GDAP1: variants seen among roughly 807,000 people sequenced by gnomAD.
GDAP1 encodes the protein ganglioside induced differentiation associated protein 1.
Under a neutral mutation model 40.1 loss-of-function variants are expected in GDAP1, and 34 were observed. That is an observed-to-expected ratio of 0.85 (90% CI 0.64 to 1.13). The LOEUF (loss-of-function observed/expected upper bound fraction) is 1.13. Among genes scored for constraint, GDAP1 ranks in the 50% most tolerant of loss-of-function variants. The pLI is 0.00. For synonymous variants in GDAP1, 170 were observed against 157.4 expected (o/e 1.08, Z -0.60); for missense variants, 374 against 433.7 (o/e 0.86, Z 1.22).
intron 2 of GDAP1, among the ~76,000 whole-genome samples, chr8:74,435,476 C>T (rs1806077619): frequency 6.6e-6 from 1 of 152,178 alleles, no homozygotes; most frequent in African/African-American, 2.4e-5. Flanking sequence ...CTTCTTACTT[C>T]ATCCCATTCA....
chr8:74,409,831 G>A lies in GDAP1; in HGVS notation c.165+58510G>A, dbSNP rs182817100. ...TCTTCCTTACCCTTCCCTAGTTCCT[G>A]TTTTCCTGCATGTAGTTACATTTCC... On this transcript the variant is annotated intron_variant, in intron 2 of 2. Coordinates refer to the GDAP1 transcript ENST00000523640. 6.0e-5 allele frequency among the ~76,000 whole-genome samples: 9 copies of A among 150,034 alleles called. 2 individuals carry two copies. Among genetic ancestry groups the A allele is most frequent in the African/African-American group, 2.3e-4 (9 of 39,412 alleles).
chr8:74,372,454 C>T (rs146481176), intron 2 of GDAP1, among the ~76,000 whole-genome samples: 44,856 of 151,940 alleles, frequency 0.3, 6,863 homozygotes, highest in Non-Finnish European at 0.34. Context: ...TTTTAATGAT[C>T]GCCATTCTAA....
chr8:74,355,814 T>G (rs1333546727), intron 2 of GDAP1, among the ~76,000 whole-genome samples: 1 of 151,816 alleles, frequency 6.6e-6, no homozygotes. Context: ...CACGTTCATG[T>G]CTTATGTCTA....
intron 2 of GDAP1, among the ~76,000 whole-genome samples, chr8:74,477,431 C>A (rs1806644180): frequency 6.6e-6 from 1 of 151,246 alleles, no homozygotes; most frequent in African/African-American, 2.4e-5. Flanking sequence ...GCTAATATTC[C>A]TTCAATCTTT....
At chr8:74,371,916 C>A (rs922641375) in intron 2 of GDAP1, among the ~76,000 whole-genome samples, 3 of 148,128 alleles carry the variant, frequency 2.0e-5, no homozygotes, top group Non-Finnish European at 4.5e-5. Flanking sequence ...AATGCTACCC[C>A]TCCCCCCCCA....
chr8:74,396,690 G>T lies in GDAP1; in HGVS notation c.165+45369G>T, dbSNP rs182932699. ...TCCCTACAAAGGACATGAACTCATC[G>T]TTTTTTCTGGCTGCATAGTATTCCA... On this transcript the variant is annotated intron_variant, in intron 2 of 2. Coordinates refer to the GDAP1 transcript ENST00000523640. 6.5e-4 allele frequency among the ~76,000 whole-genome samples: 99 copies of T among 152,088 alleles called. 1 individual carries two copies. The highest frequency in any genetic ancestry group is 2.2e-3 in the African/African-American group (90 of 41,486).
rs547062043 is a variant in GDAP1 at position 74,364,951 on chromosome 8, A to G, written c.*584A>G. 8 of 454,122 alleles carry G rather than the reference A, an allele frequency of 1.8e-5. No homozygotes were observed. The highest frequency in any genetic ancestry group is 3.5e-5 in the Non-Finnish European group (8 of 226,790). The allele number at this position is 454,122 out of a possible 1,614,324, so 28.1% of individuals were successfully genotyped here. ...AGCATTTCTGTAAAAGTCTTAAGTG[A>G]TATTAAGATGATTCCTTACCATTTC... On this transcript the variant is annotated 3_prime_UTR_variant, in exon 6 of 6. Transcript: ENST00000220822.
intron 2 of GDAP1, among the ~76,000 whole-genome samples, chr8:74,425,631 C>A (rs1473594387): frequency 1.3e-5 from 2 of 152,102 alleles, no homozygotes; most frequent in Non-Finnish European, 2.9e-5. Flanking sequence ...TTCTTTGAAT[C>A]AGAAAAGAAA....
At chr8:74,408,702 A>C (rs148634074) in intron 2 of GDAP1, among the ~76,000 whole-genome samples, 1 of 150,184 alleles carries the variant, frequency 6.7e-6, no homozygotes, top group African/African-American at 2.5e-5. Context: ...GACCTAAGAC[A>C]TGGGTGAAAG....
chr8:74,367,154 G>C (rs531919183), downstream of GDAP1: 1 of 163,212 alleles, frequency 6.1e-6, no homozygotes, highest in Non-Finnish European at 1.3e-5. Flanking sequence ...CTCTGTTGCA[G>C]CCAGCCACCT....
rs558199301 is a variant in GDAP1, at chr8:74,400,040, G to T, written c.165+48719G>T. 2.0e-5 allele frequency among the ~76,000 whole-genome samples: 3 copies of T among 146,838 alleles called. No individual in the cohort carries two copies. In the South Asian group the frequency reaches 6.4e-4, roughly 31 times the overall value. On this transcript the variant is annotated intron_variant, in intron 2 of 2. Transcript: ENST00000523640. ...ATGTATATTCTGTTGATTTGGGGTGGAGAGTTCTGTAGATGTCTATTAGGT... is the reference window on the plus strand; with the variant it reads ...ATGTATATTCTGTTGATTTGGGGTGTAGAGTTCTGTAGATGTCTATTAGGT...
intron 2 of GDAP1, among the ~76,000 whole-genome samples, chr8:74,429,305 A>T (rs1805997128): frequency 1.3e-5 from 2 of 151,976 alleles, no homozygotes; most frequent in South Asian, 2.1e-4. Flanking sequence ...TATAATAAAA[A>T]ATATATATAT....
chr8:74,378,590 C>T (rs1809898687), intron 2 of GDAP1, among the ~76,000 whole-genome samples: 1 of 152,186 alleles, frequency 6.6e-6, no homozygotes, highest in Non-Finnish European at 1.5e-5. Flanking sequence ...TGCCATCAAA[C>T]TAGCATCAAT....
chr8:74,356,964 C>T (rs1224710458), intron 2 of GDAP1, among the ~76,000 whole-genome samples: 2 of 152,114 alleles, frequency 1.3e-5, no homozygotes, highest in African/African-American at 2.4e-5. Context: ...ATCTGCCTGC[C>T]TTGGCCTCCC....
chr8:74,358,252 T>C (rs952658558), intron 2 of GDAP1, among the ~76,000 whole-genome samples: 1 of 152,250 alleles, frequency 6.6e-6, no homozygotes, highest in African/African-American at 2.4e-5. Flanking sequence ...TTGTTTTTCC[T>C]GCTCTCATTC....
intron 2 of GDAP1, among the ~76,000 whole-genome samples, chr8:74,405,940 A>G (rs1190894290): frequency 6.7e-6 from 1 of 150,094 alleles, no homozygotes; most frequent in East Asian, 1.9e-4. Flanking sequence ...CAGAGAATAG[A>G]TATCCGATGA....
At chr8:74,374,021 G>T (rs181602780) in intron 2 of GDAP1, among the ~76,000 whole-genome samples, 1 of 152,176 alleles carries the variant, frequency 6.6e-6, no homozygotes, top group Non-Finnish European at 1.5e-5. Context: ...TAACCATGTG[G>T]TTTTTGTCTT....
At chr8:74,351,897 G>C (rs543034961) in intron 2 of GDAP1, among the ~76,000 whole-genome samples, 4 of 152,182 alleles carry the variant, frequency 2.6e-5, no homozygotes, top group Non-Finnish European at 5.9e-5. Flanking sequence ...TAGTATACCT[G>C]AGTTCTTTGC....
chr8:74,427,027 G>GTCTT (rs1805956444), intron 2 of GDAP1, among the ~76,000 whole-genome samples: 5 of 152,144 alleles, frequency 3.3e-5, no homozygotes, highest in African/African-American at 1.2e-4. Flanking sequence ...TTCTTACATG[G>GTCTT]ACTGTGGACT....
Sources: allele counts gnomAD v4.1 joint callset (sites outside exome capture counted in the v4.1 genomes callset), GRCh38; gene constraint gnomAD v4.1.1; transcripts MANE v1.5; gene names NCBI Gene and HGNC (gene_info 2026-07-23, HGNC 2026-07-21).